The following CDK5RAP2 variants were observed in gnomAD, a reference collection of about 807,000 sequenced individuals.
CDK5RAP2 encodes the protein CDK5 regulatory subunit associated protein 2, also known as CDK5 regulatory subunit-associated protein 2.
In CDK5RAP2, 147 loss-of-function variants were observed where a neutral mutation model predicts 232.9. The ratio of observed to expected loss-of-function variants is 0.63; its 90% CI spans 0.55 to 0.72. CDK5RAP2 has a LOEUF of 0.72. Ranked by LOEUF, CDK5RAP2 falls within the 30% of genes least tolerant of loss-of-function variation. CDK5RAP2 has a pLI of 0.00. For missense variants in CDK5RAP2, 2,195 were observed against 2,231.5 expected (o/e 0.98, Z 0.33); for synonymous variants, 833 against 833.7 (o/e 1.00, Z 0.01).
intron 13 of CDK5RAP2, among the ~76,000 whole-genome samples, chr9:120,488,701 A>C (rs755194667): frequency 6.6e-6 from 1 of 152,192 alleles, no homozygotes. Context: ...TAATATCCCA[A>C]TTTCAGTTAA....
intron 20 of CDK5RAP2, among the ~76,000 whole-genome samples, chr9:120,455,722 G>A (rs1277161321): frequency 6.6e-6 from 1 of 151,120 alleles, no homozygotes; most frequent in African/African-American, 2.4e-5. Flanking sequence ...GGGCAACAGA[G>A]CCAAACCTTG....
intron 27 of CDK5RAP2, among the ~76,000 whole-genome samples, chr9:120,418,823 G>A (rs1476113684): frequency 6.6e-6 from 1 of 152,190 alleles, no homozygotes; most frequent in African/African-American, 2.4e-5. Flanking sequence ...AGTCCTGAGT[G>A]TCCTCAAGAA....
intron 21 of CDK5RAP2, among the ~76,000 whole-genome samples, chr9:120,450,964 G>A (rs1410260890): frequency 1.3e-5 from 2 of 152,224 alleles, no homozygotes; most frequent in South Asian, 2.1e-4. Context: ...AGGAGACCAC[G>A]TGGGAGGAGG....
At position 120,409,266 on chromosome 9, in the gene CDK5RAP2, C is replaced by T. The variant is rs1256526967; in HGVS notation, c.4465G>A (p.Val1489Met). 6.2e-7 allele frequency: 1 copy of T among 1,613,242 alleles called. No individual in the cohort carries two copies. The highest frequency in any genetic ancestry group is 8.5e-7 in the Non-Finnish European group (1 of 1,179,690). ...TCCCGCTGAAGGTGCTCCAGGCTCA[C>T]GGTCTTCCTGGAGAGGGACTCTCGT... ...KLRESLSRKT[V>M]SLEHLQREYA... Residue 1489 changes from valine to methionine, a missense_variant, in exon 30 of 38, where the codon GTG (valine) becomes ATG (methionine). By Grantham distance (21) the Val-to-Met change is conservative. Transcript: ENST00000349780.
chr9:120,411,392 C>T lies in CDK5RAP2; in HGVS notation c.4380G>A (p.Gln1460=). The change falls in exon 29 of 38, where the codon CAG becomes CAA. Residue 1460 remains glutamine (Q), a synonymous_variant. Coordinates refer to ENST00000349780, the MANE Select transcript of CDK5RAP2 (RefSeq NM_018249.6). ...SEIHFLRKQN[Q]ALNAMLIKGS... The stretch of plus-strand genomic sequence containing the variant: ...CTTTAATGAGCATTGCATTGAGGGC[C>T]TGGTTCTGCTTCCTCAAGAAATGAA... The T allele has an allele frequency of 6.2e-7, 1 of 1,612,216 alleles. No individual in the cohort carries two copies. Among genetic ancestry groups the T allele is most frequent in the Non-Finnish European group, 8.5e-7 (1 of 1,178,252 alleles).
intron 4 of CDK5RAP2, among the ~76,000 whole-genome samples, chr9:120,547,072 C>T (rs2041874105): frequency 6.6e-6 from 1 of 152,002 alleles, no homozygotes; most frequent in Non-Finnish European, 1.5e-5. Context: ...CTGCAACCTC[C>T]ACCTCCCAGG....
chr9:120,553,168 G>C (rs971955503), intron 3 of CDK5RAP2, among the ~76,000 whole-genome samples: 3 of 152,150 alleles, frequency 2.0e-5, no homozygotes, highest in Middle Eastern at 3.2e-3. Context: ...CTATATACAT[G>C]ATCAAAGATC....
Position 120,530,953 on chromosome 9 carries a change from A to G in CDK5RAP2, c.663-813T>C, listed in dbSNP as rs567828176. Reference sequence around the variant, plus strand: ...GCACACCAACATGGCACATGTATACATATGTAACAAACCTGCATGTTGTGC... The same window carrying G: ...GCACACCAACATGGCACATGTATACGTATGTAACAAACCTGCATGTTGTGC... On this transcript the variant is annotated intron_variant, in intron 7 of 37. Coordinates refer to ENST00000349780, the MANE Select transcript of CDK5RAP2 (RefSeq NM_018249.6). 1.1e-4 allele frequency among the ~76,000 whole-genome samples: 16 copies of G among 151,960 alleles called. No individual in the cohort carries two copies. The South Asian group carries it at 2.7e-3, about 26-fold the overall frequency.
At chr9:120,432,508 C>T (rs1024987684) in intron 25 of CDK5RAP2, among the ~76,000 whole-genome samples, 4 of 152,108 alleles carry the variant, frequency 2.6e-5, no homozygotes, top group South Asian at 2.1e-4. Flanking sequence ...TTATGATAAG[C>T]TTGTTTCATA....
intron 18 of CDK5RAP2, among the ~76,000 whole-genome samples, chr9:120,462,341 T>G (rs957309703): frequency 6.6e-6 from 1 of 152,082 alleles, no homozygotes; most frequent in Non-Finnish European, 1.5e-5. Flanking sequence ...ATCAAACTTG[T>G]TGGTGGGAAT....
At chr9:120,479,950 T>C (rs2038214524) in intron 14 of CDK5RAP2, among the ~76,000 whole-genome samples, 1 of 152,144 alleles carries the variant, frequency 6.6e-6, no homozygotes, top group Non-Finnish European at 1.5e-5. Context: ...AAATATACAC[T>C]AGCACATTCA....
At chr9:120,462,538 C>A (rs1807948627) in intron 18 of CDK5RAP2, among the ~76,000 whole-genome samples, 1 of 151,754 alleles carries the variant, frequency 6.6e-6, no homozygotes, top group African/African-American at 2.4e-5. Context: ...GAATAAACAA[C>A]TGTAATACAC....
intron 8 of CDK5RAP2, 104 bp downstream of exon 8, chr9:120,529,874 A>G: frequency 1.8e-6 from 2 of 1,104,750 alleles, no homozygotes; most frequent in Non-Finnish European, 2.8e-6. Flanking sequence ...TCATATTTAG[A>G]AGCAGGCTGT....
chr9:120,430,221 A>G (rs2131429004), intron 25 of CDK5RAP2, among the ~76,000 whole-genome samples: 1 of 152,322 alleles, frequency 6.6e-6, no homozygotes, highest in African/African-American at 2.4e-5. Flanking sequence ...CATGTCTAAA[A>G]CACCAAAAGC....
At chr9:120,498,813 G>A (rs180987390) in intron 12 of CDK5RAP2, among the ~76,000 whole-genome samples, 1 of 151,856 alleles carries the variant, frequency 6.6e-6, no homozygotes, top group African/African-American at 2.4e-5. Flanking sequence ...TTGAGCCCAG[G>A]AATTTGACAC....
chr9:120,513,107 T>C (rs3849113), intron 12 of CDK5RAP2, among the ~76,000 whole-genome samples: 13,264 of 152,210 alleles, frequency 0.087, 769 homozygotes, highest in East Asian at 0.28. Context: ...GGATGAAGCA[T>C]TGAATACGCA....
At chr9:120,520,621 C>T (rs182698258) in intron 11 of CDK5RAP2, among the ~76,000 whole-genome samples, 15 of 151,804 alleles carry the variant, frequency 9.9e-5, no homozygotes, top group African/African-American at 3.1e-4. Flanking sequence ...CCAGTCTGGA[C>T]GACAGAGCAA....
chr9:120,430,174 G>C (rs1160823552), intron 25 of CDK5RAP2, among the ~76,000 whole-genome samples: 1 of 152,060 alleles, frequency 6.6e-6, no homozygotes, highest in Non-Finnish European at 1.5e-5. Flanking sequence ...GAAAACCTAG[G>C]CATTACTATT....
rs776431187 is a variant in CDK5RAP2 at position 120,571,964 on chromosome 9, G to C, written c.127+10C>G. On this transcript the variant is annotated intron_variant, in intron 2 of 37. Coordinates refer to ENST00000349780, the MANE Select transcript of CDK5RAP2 (RefSeq NM_018249.6). ...TTTACTCAAGAGAATGCCTGGTTTT[G>C]TGTACTTACGACCATTTCCCAACCC... 7 of 1,608,626 alleles carry C rather than the reference G, an allele frequency of 4.4e-6. No homozygotes were observed. The highest frequency in any genetic ancestry group is 1.6e-4 in the Middle Eastern group (1 of 6,070).
Sources: allele counts gnomAD v4.1 joint callset (sites outside exome capture counted in the v4.1 genomes callset), GRCh38; gene constraint gnomAD v4.1.1; transcripts MANE v1.5; gene names NCBI Gene and HGNC (gene_info 2026-07-23, HGNC 2026-07-21).